The following GSAP variants were observed in gnomAD, a reference collection of about 807,000 sequenced individuals.
GSAP encodes gamma-secretase activating protein, also known as gamma-secretase-activating protein.
A neutral mutation model predicts 131.7 loss-of-function variants in GSAP; 118 were observed. The observed-to-expected ratio is 0.90, with a 90% CI of 0.77 to 1.04. The LOEUF (loss-of-function observed/expected upper bound fraction) is 1.04. GSAP is among the 50% of genes least tolerant of loss of function. The pLI is 0.00. For missense variants in GSAP, 1,019 were observed against 1,013.2 expected (o/e 1.01, Z -0.08); for synonymous variants, 381 against 363.4 (o/e 1.05, Z -0.55).
Position 77,382,680 on chromosome 7 carries a change from A to G in GSAP, c.457-37T>C, listed in dbSNP as rs780953901. The G allele has an allele frequency of 3.6e-6, 4 of 1,123,364 alleles. No homozygotes were observed. The East Asian group carries it at 7.0e-5, about 20-fold the overall frequency. 69.6% of individuals were successfully genotyped at this position (1,123,364 alleles called of 1,614,324 possible). On this transcript the variant is annotated intron_variant, in intron 6 of 30. Transcript: ENST00000257626. ...AAATTAATCATAATTGTAAGCAACT[A>G]TCTTGCTTGAACAAGTATTTCCAAA...
At chr7:77,342,639 C>T (rs183653820) in intron 19 of GSAP, among the ~76,000 whole-genome samples, 1 of 152,202 alleles carries the variant, frequency 6.6e-6, no homozygotes, top group Admixed American at 6.5e-5. Flanking sequence ...CACCCCTTAC[C>T]ATCCCATTAA....
chr7:77,330,288 T>C lies in GSAP; in HGVS notation c.1625A>G (p.Tyr542Cys), dbSNP rs756419307. 2.5e-6 allele frequency: 4 copies of C among 1,613,966 alleles called. No homozygotes were observed. The highest frequency in any genetic ancestry group is 3.4e-6 in the Non-Finnish European group (4 of 1,179,870). The change falls in exon 20 of 31, where the codon TAT (tyrosine) becomes TGT (cysteine). Residue 542 changes from tyrosine (Y) to cysteine (C), a missense_variant. Transcript: ENST00000257626. ...CTCTCTCCTGACCACACTGTTGTTA[T>C]AGTGGAAGTGTGGCTTGGCGTACTT... ...YVKYAKPHFH[Y>C]NNSVVRREWH...
At position 77,328,639 on chromosome 7, in the gene GSAP, T is replaced by C; in HGVS notation, c.1734-2A>G. 2 of 1,563,704 alleles carry C rather than the reference T, an allele frequency of 1.3e-6. No individual in the cohort carries two copies. The highest frequency in any genetic ancestry group is 1.8e-6 in the Non-Finnish European group (2 of 1,135,866). On this transcript the variant is annotated splice_acceptor_variant, in intron 21 of 30. Transcript: ENST00000257626. LOFTEE classifies it high-confidence loss of function. ...CTTGCTTCTAGGTTAGAAATCACCC[T>C]ACGAAGAAATTAGCCATGTTATTCA...
rs190192126 is a variant in GSAP at position 77,379,916 on chromosome 7, A to T, written c.576+1389T>A. 333 of 971,608 alleles carry T rather than the reference A, an allele frequency of 3.4e-4. 1 individual carries two copies. In the African/African-American group the frequency reaches 5.3e-3, roughly 16 times the overall value. 60.2% of individuals were successfully genotyped at this position (971,608 alleles called of 1,614,324 possible). A position where few individuals can be genotyped will look rare whatever the true frequency, so the allele number is the denominator to read the frequency against. Reference sequence around the variant, plus strand: ...TCAATAGCTGATACACAATTGATAAATTCCATTTTCTGTTTCAATTTGTTC... The same window carrying T: ...TCAATAGCTGATACACAATTGATAATTTCCATTTTCTGTTTCAATTTGTTC... On this transcript the variant is annotated intron_variant, in intron 8 of 30. Transcript: ENST00000257626.
upstream of GSAP, chr7:77,416,461 C>A: frequency 2.1e-6 from 1 of 472,374 alleles, no homozygotes; most frequent in Non-Finnish European, 3.7e-6. Context: ...GGTTCTGCAG[C>A]GCCCTGGCCT....
chr7:77,398,889 T>C (rs1488252247), intron 3 of GSAP, among the ~76,000 whole-genome samples: 3 of 152,250 alleles, frequency 2.0e-5, no homozygotes, highest in African/African-American at 7.2e-5. Flanking sequence ...CACAGTTACA[T>C]TGCAAGTTTT....
chr7:77,318,474 GAAGT>G (rs1787174376), intron 26 of GSAP, among the ~76,000 whole-genome samples: 1 of 152,166 alleles, frequency 6.6e-6, no homozygotes, highest in Non-Finnish European at 1.5e-5. Flanking sequence ...ATATATGAAT[GAAGT>G]AACTAAATAT....
intron 26 of GSAP, chr7:77,316,099 T>C (rs1794939562): frequency 6.6e-6 from 1 of 152,216 alleles, no homozygotes; most frequent in Admixed American, 6.5e-5. Context: ...ACCATTGGGA[T>C]ATTAATATGG....
intron 18 of GSAP, among the ~76,000 whole-genome samples, chr7:77,349,746 T>C (rs952571404): frequency 1.3e-5 from 2 of 152,140 alleles, no homozygotes; most frequent in East Asian, 3.8e-4. Context: ...AATGTAACGA[T>C]AAAGGGGAAA....
chr7:77,381,884 T>A (rs944098495), intron 7 of GSAP, among the ~76,000 whole-genome samples: 5 of 149,106 alleles, frequency 3.4e-5, no homozygotes, highest in African/African-American at 1.2e-4. Flanking sequence ...AGTAACAATT[T>A]GAATTCAGCC....
At chr7:77,377,171 C>T in intron 9 of GSAP, 115 bp downstream of exon 9, 1 of 1,118,732 alleles carries the variant, frequency 8.9e-7, no homozygotes, top group East Asian at 2.9e-5. Context: ...GAGCTATGAT[C>T]ACACCACTGC....
At chr7:77,400,019 CAA>C (rs1484678333) in intron 3 of GSAP, among the ~76,000 whole-genome samples, 1 of 152,102 alleles carries the variant, frequency 6.6e-6, no homozygotes, top group Non-Finnish European at 1.5e-5. Flanking sequence ...GGAAACATAG[CAA>C]GAGAGAAACT....
At chr7:77,414,844 C>CTTTTTTTTTTTTTTTTTTTTTTTTTTT (rs57095326) in intron 1 of GSAP, among the ~76,000 whole-genome samples, 3 of 59,876 alleles carry the variant, frequency 5.0e-5, no homozygotes, top group African/African-American at 7.4e-5. Context: ...ATGTGGGCGA[C>CTTTTTTTTTTTTTTTTTTTTTTTTTTT]TTTTTTTTTT....
rs751567025 is a variant in GSAP, at chr7:77,323,711, C to G, written c.1859G>C (p.Arg620Thr). The change falls in exon 24 of 31, where the codon AGA becomes ACA. Residue 620 changes from arginine (R) to threonine (T), a missense_variant. Coordinates refer to ENST00000257626, the MANE Select transcript of GSAP (RefSeq NM_017439.4). The stretch of plus-strand genomic sequence containing the variant: ...CTTCTTTTCTACACCCTGTAGGTGT[C>G]TCAAAAAATGGTCTTTTAGCTCAGA... The part of the protein sequence containing the change: ...MVSELKDHFL[R>T]HLQGVEKKKI... 1.2e-6 allele frequency: 2 copies of G among 1,601,966 alleles called. No individual in the cohort carries two copies. The highest frequency in any genetic ancestry group is 3.4e-5 in the Admixed American group (2 of 59,386).
At chr7:77,346,373 A>G (rs968646091) in intron 19 of GSAP, among the ~76,000 whole-genome samples, 1 of 151,706 alleles carries the variant, frequency 6.6e-6, no homozygotes, top group Non-Finnish European at 1.5e-5. Context: ...GACAAACTAA[A>G]TGTCCAAAAA....
intron 8 of GSAP, chr7:77,380,164 T>C (rs1208423023): frequency 6.6e-6 from 1 of 152,570 alleles, no homozygotes; most frequent in Non-Finnish European, 1.5e-5. Context: ...GATGCTGAAA[T>C]GCATTAATAT....
intron 25 of GSAP, 109 bp downstream of exon 25, chr7:77,321,224 G>A: frequency 1.4e-6 from 1 of 720,034 alleles, no homozygotes; most frequent in Non-Finnish European, 2.5e-6. Flanking sequence ...AGATGGTGTT[G>A]AAGCTGGTGA....
chr7:77,335,010 G>A (rs1049814953), intron 19 of GSAP, among the ~76,000 whole-genome samples: 85 of 152,034 alleles, frequency 5.6e-4, no homozygotes, highest in Non-Finnish European at 1.0e-3. Flanking sequence ...ATGAACCCGG[G>A]AGGCAGAGCT....
intron 5 of GSAP, among the ~76,000 whole-genome samples, chr7:77,391,767 C>A (rs1361174903): frequency 6.6e-6 from 1 of 152,164 alleles, no homozygotes; most frequent in Non-Finnish European, 1.5e-5. Flanking sequence ...CCAGGGAGGT[C>A]GAGGCTATAG....
Sources: allele counts gnomAD v4.1 joint callset (sites outside exome capture counted in the v4.1 genomes callset), GRCh38; gene constraint gnomAD v4.1.1; transcripts MANE v1.5; gene names NCBI Gene and HGNC (gene_info 2026-07-23, HGNC 2026-07-21).